Variants in MEI4 observed in about 807,000 individuals in gnomAD.
MEI4 encodes meiosis-specific protein MEI4.
In MEI4, 27 loss-of-function variants were observed where a neutral mutation model predicts 31.4. The ratio of observed to expected loss-of-function variants is 0.86; its 90% CI spans 0.63 to 1.19. The LOEUF (loss-of-function observed/expected upper bound fraction) is 1.19, where lower values mean the gene tolerates loss of function less well. MEI4 is among the 50% of genes most tolerant of loss of function. MEI4 has a pLI of 0.00. For synonymous variants in MEI4, 122 were observed against 145.4 expected (o/e 0.84, Z 1.16); for missense variants, 329 against 398.9 (o/e 0.82, Z 1.49).
At chr6:77,920,785 C>G (rs1474676820) in intron 4 of MEI4, among the ~76,000 whole-genome samples, 1 of 151,800 alleles carries the variant, frequency 6.6e-6, no homozygotes, top group Non-Finnish European at 1.5e-5. Context: ...TCCATCAGAG[C>G]TTTTGGATGA....
At chr6:77,735,490 C>T (rs1184874936) in intron 2 of MEI4, among the ~76,000 whole-genome samples, 1 of 151,964 alleles carries the variant, frequency 6.6e-6, no homozygotes, top group African/African-American at 2.4e-5. Context: ...TTCATCAGGT[C>T]CTTTAAGCAC....
At chr6:77,833,856 A>C (rs897223580) in intron 4 of MEI4, among the ~76,000 whole-genome samples, 10 of 151,118 alleles carry the variant, frequency 6.6e-5, no homozygotes, top group Admixed American at 3.3e-4. Flanking sequence ...TCATTGTTCA[A>C]CTCCCACTTA....
chr6:77,698,277 A>T (rs900718874), intron 2 of MEI4, among the ~76,000 whole-genome samples: 1 of 152,112 alleles, frequency 6.6e-6, no homozygotes, highest in East Asian at 1.9e-4. Context: ...ATTTAAAGTT[A>T]ATATTGTTAT....
rs1309910801 is a variant in MEI4, at chr6:77,721,394, TAACTG to T, written c.232+30492_232+30496del. ...TGATCCAAGTACAGTGTAAAAGTCT[TAACTG>T]TACTGTGAGGAAGGAATGACCACTC... On this transcript the variant is annotated intron_variant, in intron 2 of 4. Coordinates refer to ENST00000684080, the MANE Select transcript of MEI4 (RefSeq NM_001322247.2). Among the ~76,000 whole-genome samples, 10 of 139,740 alleles carry T rather than the reference TAACTG, an allele frequency of 7.2e-5. 1 individual carries two copies. Among genetic ancestry groups the T allele is most frequent in the Non-Finnish European group, 1.1e-4 (7 of 64,106 alleles). The allele number at this position is 139,740 out of a possible 152,430, so 91.7% of individuals were successfully genotyped here.
chr6:77,922,298 A>T (rs980875355), intron 4 of MEI4, among the ~76,000 whole-genome samples: 1 of 151,716 alleles, frequency 6.6e-6, no homozygotes, highest in Admixed American at 6.6e-5. Context: ...CCAGGAAAAT[A>T]AAAAAAGTTC....
intron 4 of MEI4, among the ~76,000 whole-genome samples, chr6:77,830,880 A>G (rs1235560688): frequency 1.3e-5 from 2 of 152,088 alleles, no homozygotes; most frequent in Non-Finnish European, 2.9e-5. Context: ...AACACAAACA[A>G]TAAAAGCAAA....
At chr6:77,750,533 A>G (rs529500291) in intron 2 of MEI4, among the ~76,000 whole-genome samples, 2 of 152,340 alleles carry the variant, frequency 1.3e-5, no homozygotes, top group Admixed American at 6.5e-5. Context: ...AGGCCATTAC[A>G]TAATGGTAAA....
In MEI4 at chr6:77,809,583, A is replaced by G. The variant is rs541753533; in HGVS notation, c.769-19348A>G. The stretch of plus-strand genomic sequence containing the variant: ...GCATGGTTTACAGGAAAGGTATATT[A>G]TGCGTTTTGTAATGATAATGGAGCT... On this transcript the variant is annotated intron_variant, in intron 3 of 4. Coordinates refer to ENST00000684080, the MANE Select transcript of MEI4 (RefSeq NM_001322247.2). 1.1e-4 allele frequency among the ~76,000 whole-genome samples: 17 copies of G among 152,266 alleles called. No individual in the cohort carries two copies. The South Asian group carries it at 3.3e-3, about 30-fold the overall frequency.
At chr6:77,908,796 C>T (rs983148803) in intron 4 of MEI4, among the ~76,000 whole-genome samples, 1 of 152,062 alleles carries the variant, frequency 6.6e-6, no homozygotes, top group Non-Finnish European at 1.5e-5. Context: ...ACAAGAAGAG[C>T]TAACTCTCCT....
At chr6:77,773,541 G>C (rs545841857) in intron 3 of MEI4, among the ~76,000 whole-genome samples, 21 of 152,054 alleles carry the variant, frequency 1.4e-4, no homozygotes, top group African/African-American at 4.8e-4. Flanking sequence ...AATCACAGTG[G>C]ATTAAAAATT....
chr6:77,785,781 G>A (rs1311715942), intron 3 of MEI4, among the ~76,000 whole-genome samples: 1 of 152,090 alleles, frequency 6.6e-6, no homozygotes, highest in Non-Finnish European at 1.5e-5. Flanking sequence ...TTTACAGCTA[G>A]ATAACAGGAA....
chr6:77,758,149 A>C (rs1247138151), intron 2 of MEI4, among the ~76,000 whole-genome samples: 1 of 100,696 alleles, frequency 9.9e-6, no homozygotes, highest in East Asian at 3.3e-4. Context: ...GCAAGACTCC[A>C]TCTCACAAAA....
At chr6:77,887,540 AC>A (rs1007074543) in intron 4 of MEI4, among the ~76,000 whole-genome samples, 4 of 150,600 alleles carry the variant, frequency 2.7e-5, no homozygotes, top group African/African-American at 9.7e-5. Context: ...CAGATGATCC[AC>A]CCCCCTCAGC....
At chr6:77,694,382 A>C (rs1053730699) in intron 2 of MEI4, among the ~76,000 whole-genome samples, 6 of 151,956 alleles carry the variant, frequency 3.9e-5, no homozygotes, top group African/African-American at 1.5e-4. Context: ...ATTTAGCATT[A>C]GGTATATCTC....
At chr6:77,652,541 T>C (rs1768318466), upstream of MEI4, among the ~76,000 whole-genome samples, 1 of 152,132 alleles carries the variant, frequency 6.6e-6, no homozygotes, top group South Asian at 2.1e-4. Context: ...TTGAAAGAGC[T>C]GAGAGGAGAG....
chr6:77,700,716 C>A (rs1298047147), intron 2 of MEI4, among the ~76,000 whole-genome samples: 1 of 152,164 alleles, frequency 6.6e-6, no homozygotes, highest in African/African-American at 2.4e-5. Context: ...CGGAGCTGTT[C>A]CTATTCGGCC....
At chr6:77,776,279 T>C (rs1768439940) in intron 3 of MEI4, among the ~76,000 whole-genome samples, 1 of 152,068 alleles carries the variant, frequency 6.6e-6, no homozygotes, top group Non-Finnish European at 1.5e-5. Context: ...TTTTGAGGGC[T>C]TTTTTTCTGC....
At chr6:77,683,749 T>G (rs1769001119) in intron 1 of MEI4, among the ~76,000 whole-genome samples, 1 of 152,204 alleles carries the variant, frequency 6.6e-6, no homozygotes, top group African/African-American at 2.4e-5. Flanking sequence ...TGAATAGCAT[T>G]TCATTATTAC....
intron 3 of MEI4, among the ~76,000 whole-genome samples, chr6:77,818,256 G>T (rs1313863236): frequency 1.3e-5 from 2 of 151,974 alleles, no homozygotes; most frequent in South Asian, 2.1e-4. Flanking sequence ...ATCTAATTTT[G>T]TTTTAGATTA....
Sources: allele counts gnomAD v4.1 joint callset (sites outside exome capture counted in the v4.1 genomes callset), GRCh38; gene constraint gnomAD v4.1.1; transcripts MANE v1.5; gene names NCBI Gene and HGNC (gene_info 2026-07-23, HGNC 2026-07-21).